Variants in XPNPEP2 observed in about 807,000 individuals in gnomAD.
The protein encoded by XPNPEP2 is xaa-Pro aminopeptidase 2.
In XPNPEP2, 64 loss-of-function variants were observed where a neutral mutation model predicts 59.8. That is an observed-to-expected ratio of 1.07 (90% CI 0.87 to 1.32). The LOEUF (loss-of-function observed/expected upper bound fraction) is 1.32. Among genes scored for constraint, XPNPEP2 ranks in the 40% most tolerant of loss-of-function variants. The pLI, the probability that XPNPEP2 is intolerant of heterozygous loss-of-function variation, is 0.00. For synonymous variants in XPNPEP2, 235 were observed against 210.0 expected (o/e 1.12, Z -1.03); for missense variants, 575 against 546.8 (o/e 1.05, Z -0.51).
intron 6 of XPNPEP2, 122 bp downstream of exon 6, chrX:129,746,803 T>C: frequency 1.6e-6 from 1 of 619,493 alleles, no homozygotes; most frequent in East Asian, 3.3e-5. Context: ...GATAGAGCAT[T>C]TGAAATTGTA....
At position 129,739,067 on chromosome X, in the gene XPNPEP2, C is replaced by G. The variant is rs1394132942; in HGVS notation, c.-147C>G. 1.7e-6 allele frequency: 1 copy of G among 576,703 alleles called. No individual in the cohort carries two copies. The highest frequency in any genetic ancestry group is 2.8e-6 in the Non-Finnish European group (1 of 358,580). The allele number at this position is 576,703 out of a possible 1,213,427, so 47.5% of individuals were successfully genotyped here. ...AAAAGACCAGAGAAGCACTCTCCAC[C>G]CAGCAGCCAGACGCCTCCTTCTTGA... On this transcript the variant is annotated 5_prime_UTR_variant, in exon 1 of 21. Transcript: ENST00000371106.
At chrX:129,757,883 G>GAGAA (rs1926570983) in intron 14 of XPNPEP2, among the ~76,000 whole-genome samples, 8 of 81,250 alleles carry the variant, frequency 9.8e-5, no homozygotes, top group African/African-American at 4.4e-4. Flanking sequence ...AAGAGAGAGA[G>GAGAA]AGAGAGAGAG....
intron 17 of XPNPEP2, 48 bp from the exon 18 acceptor site, chrX:129,761,958 C>T: frequency 8.5e-7 from 1 of 1,180,963 alleles, no homozygotes; most frequent in Non-Finnish European, 1.2e-6. Context: ...CACTTCCAAG[C>T]TGGTGAGTAT....
chrX:129,764,486 T>C lies in XPNPEP2; in HGVS notation c.1740+1716T>C, dbSNP rs780114398. Among the ~76,000 whole-genome samples, 11 of 108,832 alleles carry C rather than the reference T, an allele frequency of 1.0e-4. No homozygotes were observed. In the Admixed American group the frequency reaches 1.1e-3, roughly 11 times the overall value. 94.5% of individuals were successfully genotyped at this position (108,832 alleles called of 115,157 possible). ...GCCTGACCAACACGGAGAAACCCCA[T>C]ATCTACTAAAAATACAAAATTAGCC... On this transcript the variant is annotated intron_variant, in intron 19 of 20. Transcript: ENST00000371106.
At chrX:129,750,383 G>A (rs1379449766) in intron 7 of XPNPEP2, 85 bp from the exon 8 acceptor site, 1 of 740,511 alleles carries the variant, frequency 1.4e-6, no homozygotes, top group Non-Finnish European at 2.0e-6. Context: ...ATGCAAAACT[G>A]TTACCCTAAG....
At chrX:129,745,018 G>A (rs1262670375) in intron 3 of XPNPEP2, among the ~76,000 whole-genome samples, 185 bp from the exon 4 acceptor site, 1 of 111,559 alleles carries the variant, frequency 9.0e-6, no homozygotes, top group East Asian at 2.8e-4. Context: ...CTCAAAGGAA[G>A]GGAAGATATT....
chrX:129,744,035 C>G lies in XPNPEP2; in HGVS notation c.198C>G (p.Leu66=), dbSNP rs1287137570. ...GCCAGCAGATGCAGACCCAGAATCT[C>G]TCAGCCTACATCATCCCAGGCACAG... ...ALRQQMQTQN[L]SAYIIPGTDA... Residue 66 remains leucine, a synonymous_variant, in exon 3 of 21, where the codon CTC becomes CTG. Transcript: ENST00000371106. 2 of 1,210,292 alleles carry G rather than the reference C, an allele frequency of 1.7e-6. No individual in the cohort carries two copies. The highest frequency in any genetic ancestry group is 2.2e-6 in the Non-Finnish European group (2 of 895,276).
intron 18 of XPNPEP2, 141 bp downstream of exon 18, chrX:129,762,206 C>A: frequency 1.6e-6 from 1 of 615,966 alleles, no homozygotes; most frequent in Non-Finnish European, 2.6e-6. Context: ...ATTCCCACCG[C>A]TACGCCCAGC....
chrX:129,743,931 G>T, intron 2 of XPNPEP2, 30 bp from the exon 3 acceptor site: 3 of 1,167,033 alleles, frequency 2.6e-6, no homozygotes, highest in Non-Finnish European at 2.3e-6. Flanking sequence ...CTGTTTGTTT[G>T]TGTCTCAATG....
chrX:129,763,159 ACT>A (rs1926688400), intron 19 of XPNPEP2, among the ~76,000 whole-genome samples: 1 of 111,856 alleles, frequency 8.9e-6, no homozygotes, highest in South Asian at 3.7e-4. Context: ...ACATGGAGAA[ACT>A]CTCTACTAAG....
At chrX:129,750,616 T>C in intron 8 of XPNPEP2, 47 bp downstream of exon 8, 1 of 1,058,967 alleles carries the variant, frequency 9.4e-7, no homozygotes, top group East Asian at 3.3e-5. Context: ...GTCTCCCCAA[T>C]GCCCCAAGCC....
At chrX:129,754,275 T>G (rs1262599281) in intron 11 of XPNPEP2, among the ~76,000 whole-genome samples, 197 bp from the exon 12 acceptor site, 2 of 112,395 alleles carry the variant, frequency 1.8e-5, no homozygotes, top group Non-Finnish European at 3.8e-5. Context: ...ATTTCTGCCG[T>G]CAACACAGAA....
chrX:129,755,986 C>T (rs138843586), intron 13 of XPNPEP2, among the ~76,000 whole-genome samples: 164 of 112,011 alleles, frequency 1.5e-3, no homozygotes, highest in African/African-American at 5.1e-3. Context: ...CCACCTCTTG[C>T]TCAGCAGCCC....
In XPNPEP2 at chrX:129,743,977, T is replaced by A; in HGVS notation, c.140T>A (p.Val47Glu). 1 of 1,211,362 alleles carries A rather than the reference T, an allele frequency of 8.3e-7. No homozygotes were observed. The highest frequency in any genetic ancestry group is 1.1e-6 in the Non-Finnish European group (1 of 895,029). ...STNPPYLPVT[V>E]VNTTMSLTAL... is the part of the protein sequence containing the mutation. Reference sequence around the variant, plus strand: ...ATCTGTCAGTACCTTCCAGTTACTGTGGTCAATACCACAATGTCACTCACA... The same window carrying A: ...ATCTGTCAGTACCTTCCAGTTACTGAGGTCAATACCACAATGTCACTCACA... Residue 47 changes from valine (V) to glutamate (E), a missense_variant, in exon 3 of 21, where the codon GTG becomes GAG. By Grantham distance (121) the Val-to-Glu change is moderately radical. Transcript: ENST00000371106.
At position 129,762,010 on chromosome X, in the gene XPNPEP2, A is replaced by G; in HGVS notation, c.1608A>G (p.Pro536=). 8.3e-7 allele frequency: 1 copy of G among 1,211,726 alleles called. No homozygotes were observed. Among genetic ancestry groups the G allele is most frequent in the Non-Finnish European group, 1.1e-6 (1 of 895,324 alleles). The change falls in exon 18 of 21, where the codon CCA becomes CCG. Residue 536 remains proline, a synonymous_variant. Coordinates refer to ENST00000371106, the MANE Select transcript of XPNPEP2 (RefSeq NM_003399.6). ...TGTTTATGTCTTCCTTTCTAGGGCC[A>G]GTGGGATTCCAGTCCAACAACATCG... is the stretch of plus-strand genomic sequence containing the variant. The part of the protein sequence containing the change: ...IGNFLCVHEW[P]VGFQSNNIAM...
chrX:129,768,514 A>G lies in XPNPEP2; in HGVS notation c.*29A>G. Reference sequence around the variant, plus strand: ...CTCCAGACTCTCCTGTTAACCCTCCATCTAGATGGGGGGCTCCCTTGCTTA... The same window carrying G: ...CTCCAGACTCTCCTGTTAACCCTCCGTCTAGATGGGGGGCTCCCTTGCTTA... On this transcript the variant is annotated 3_prime_UTR_variant, in exon 21 of 21. Coordinates refer to ENST00000371106, the MANE Select transcript of XPNPEP2 (RefSeq NM_003399.6). 2.7e-6 allele frequency: 3 copies of G among 1,119,454 alleles called. No individual in the cohort carries two copies. The highest frequency in any genetic ancestry group is 3.5e-6 in the Non-Finnish European group (3 of 847,927). The allele number at this position is 1,119,454 out of a possible 1,213,427, so 92.3% of individuals were successfully genotyped here.
Position 129,755,324 on chromosome X carries a change from T to C in XPNPEP2, c.1248T>C (p.Phe416=), listed in dbSNP as rs896550042. The C allele has an allele frequency of 8.3e-7, 1 of 1,212,046 alleles. No individual in the cohort carries two copies. The highest frequency in any genetic ancestry group is 1.7e-5 in the African/African-American group (1 of 57,874). ...AACAGTTCTCCTCCGGACCCAGTTT[T>C]GAAACCATCTCTGCTAGTGGTCTGA... The part of the protein sequence containing the change: ...GEEQFSSGPS[F]ETISASGLNA... The change falls in exon 13 of 21, where the codon TTT becomes TTC. Residue 416 remains phenylalanine, a synonymous_variant. Transcript: ENST00000371106.
intron 12 of XPNPEP2, 26 bp from the exon 13 acceptor site, chrX:129,755,268 A>G (rs1465553501): frequency 1.7e-6 from 2 of 1,201,420 alleles, no homozygotes; most frequent in Admixed American, 4.4e-5. Context: ...CCATTCATTG[A>G]CCATGCCTTG....
Position 129,746,294 on chromosome X carries a change from T to G in XPNPEP2, c.357T>G (p.Thr119=). The G allele has an allele frequency of 8.3e-7, 1 of 1,211,407 alleles. No homozygotes were observed. Among genetic ancestry groups the G allele is most frequent in the South Asian group, 1.8e-5 (1 of 56,972 alleles). Residue 119 remains threonine, a synonymous_variant, in exon 5 of 21, where the codon ACT becomes ACG. Transcript: ENST00000371106. ...TCTGGACCGACAGTCGCTACTGGAC[T>G]CAGGCTGAGCGGCAGATGGACTGCA... ...AAVWTDSRYW[T]QAERQMDCNW...
Sources: gnomAD v4.1 joint callset for allele counts (sites outside exome capture counted in the v4.1 genomes callset) on GRCh38, gnomAD v4.1.1 for gene constraint, MANE v1.5 for transcripts, NCBI Gene and HGNC (gene_info 2026-07-23, HGNC 2026-07-21) for gene names.